Variants in AK4 observed in about 807,000 individuals in gnomAD.
The protein encoded by AK4 is adenylate kinase 4, mitochondrial.
Under a neutral mutation model 24.6 loss-of-function variants are expected in AK4, and 13 were observed. That is an observed-to-expected ratio of 0.53 (90% confidence interval 0.34 to 0.84). The LOEUF (loss-of-function observed/expected upper bound fraction) is 0.84. Ranked by LOEUF, AK4 falls within the 40% of genes least tolerant of loss-of-function variation. The pLI is 0.01. For missense variants in AK4, 192 were observed against 288.2 expected (o/e 0.67, Z 2.42); for synonymous variants, 88 against 107.0 (o/e 0.82, Z 1.10).
intron 1 of AK4, among the ~76,000 whole-genome samples, chr1:65,166,995 G>A (rs1174777941): frequency 1.3e-5 from 2 of 152,190 alleles, no homozygotes; most frequent in African/African-American, 4.8e-5. Flanking sequence ...AGCTAGGTGT[G>A]GTGGCTTGTG....
At chr1:65,218,616 T>A (rs1312461660) in intron 2 of AK4, 138 bp from the exon 3 acceptor site, 3 of 700,884 alleles carry the variant, frequency 4.3e-6, no homozygotes, top group Non-Finnish European at 6.3e-6. Context: ...GGGATGCAAA[T>A]GATCCCATCA....
chr1:65,202,124 G>A (rs998077593), intron 2 of AK4, among the ~76,000 whole-genome samples: 5 of 152,124 alleles, frequency 3.3e-5, no homozygotes, highest in African/African-American at 9.7e-5. Context: ...TTGGCCGGGC[G>A]TGGTGGCTCA....
chr1:65,192,082 T>C (rs1236287845), intron 2 of AK4, among the ~76,000 whole-genome samples: 1 of 152,228 alleles, frequency 6.6e-6, no homozygotes, highest in Non-Finnish European at 1.5e-5. Flanking sequence ...CTCTAGACTC[T>C]ACTTTTAACT....
intron 1 of AK4, among the ~76,000 whole-genome samples, chr1:65,172,675 G>T (rs1650577278): frequency 6.6e-6 from 1 of 152,102 alleles, no homozygotes; most frequent in Non-Finnish European, 1.5e-5. Flanking sequence ...TGTGGGAATA[G>T]ATTGTCCTAC....
intron 1 of AK4, among the ~76,000 whole-genome samples, chr1:65,162,765 AT>A (rs1570071760): frequency 1.3e-5 from 2 of 151,986 alleles, no homozygotes. Context: ...GAACATTTTC[AT>A]TTCTCCAGAA....
At chr1:65,187,921 G>C (rs199859269) in intron 1 of AK4, among the ~76,000 whole-genome samples, 2 of 152,104 alleles carry the variant, frequency 1.3e-5, no homozygotes, top group African/African-American at 4.8e-5. Flanking sequence ...TGTCTTTCTT[G>C]TTCCGCCTTT....
intron 1 of AK4, among the ~76,000 whole-genome samples, chr1:65,169,634 AC>A (rs1650444860): frequency 6.6e-6 from 1 of 152,212 alleles, no homozygotes; most frequent in Admixed American, 6.5e-5. Context: ...TTAAGGGGGC[AC>A]CAAAAACACT....
chr1:65,209,193 C>T (rs757927769), intron 2 of AK4, among the ~76,000 whole-genome samples: 5 of 152,096 alleles, frequency 3.3e-5, no homozygotes, highest in Admixed American at 6.6e-5. Context: ...ATAAAGCATG[C>T]GGTGGAACAG....
At chr1:65,208,491 A>G (rs767596669) in intron 2 of AK4, among the ~76,000 whole-genome samples, 2 of 152,200 alleles carry the variant, frequency 1.3e-5, no homozygotes, top group Non-Finnish European at 2.9e-5. Flanking sequence ...GCTAATCATC[A>G]GTGATTGATT....
chr1:65,187,347 CAAAAAAAAAAA>C (rs150840960), intron 1 of AK4, among the ~76,000 whole-genome samples: 1 of 66,900 alleles, frequency 1.5e-5, no homozygotes, highest in Non-Finnish European at 3.1e-5. Flanking sequence ...GACTCCGTCT[CAAAAAAAAAAA>C]AAAAAAAAAA....
intron 1 of AK4, among the ~76,000 whole-genome samples, chr1:65,178,977 A>G (rs1557448032): frequency 6.6e-6 from 1 of 152,164 alleles, no homozygotes; most frequent in East Asian, 1.9e-4. Flanking sequence ...TCAGCAAGGG[A>G]GCGACTTGTG....
chr1:65,231,839 C>G lies in AK4; in HGVS notation c.*5662C>G, dbSNP rs928773468. ...AATGGCATTTCACTGTGATCCCTCT[C>G]AAGCTCAGATCAGTTCTATAACCCA... On this transcript the variant is annotated 3_prime_UTR_variant, in exon 5 of 5. Coordinates refer to ENST00000327299, the MANE Select transcript of AK4 (RefSeq NM_013410.4). 2 of 152,222 alleles carry G rather than the reference C, an allele frequency of 1.3e-5. No homozygotes were observed. The highest frequency in any genetic ancestry group is 4.8e-5 in the African/African-American group (2 of 41,456). The allele number at this position is 152,222 out of a possible 1,614,324, so 9.4% of individuals were successfully genotyped here.
chr1:65,148,853 C>T (rs1289049050), intron 1 of AK4: 2 of 267,070 alleles, frequency 7.5e-6, no homozygotes, highest in Non-Finnish European at 1.4e-5. Flanking sequence ...AGGGAAAACC[C>T]GGAGCTTCCG....
chr1:65,215,903 G>T (rs983699159), intron 2 of AK4, among the ~76,000 whole-genome samples: 1 of 151,976 alleles, frequency 6.6e-6, no homozygotes, highest in Non-Finnish European at 1.5e-5. Context: ...TGCTTCCCCC[G>T]CTCCCAGCTC....
intron 2 of AK4, among the ~76,000 whole-genome samples, chr1:65,210,411 A>G (rs1651935948): frequency 6.6e-6 from 1 of 151,870 alleles, no homozygotes; most frequent in African/African-American, 2.4e-5. Flanking sequence ...TTTCTTTATT[A>G]TTGATTCCCC....
At chr1:65,208,573 G>A (rs1395196998) in intron 2 of AK4, among the ~76,000 whole-genome samples, 1 of 152,180 alleles carries the variant, frequency 6.6e-6, no homozygotes, top group Non-Finnish European at 1.5e-5. Context: ...TGGGCGGTCC[G>A]AAGCAACTAT....
At position 65,232,043 on chromosome 1, in the gene AK4, C is replaced by T. The variant is rs994043793; in HGVS notation, c.*5866C>T. On this transcript the variant is annotated 3_prime_UTR_variant, in exon 5 of 5. Coordinates refer to ENST00000327299, the MANE Select transcript of AK4 (RefSeq NM_013410.4). ...TCCAGTCTGATCTGTATATGCTATC[C>T]TAACTGTTAATTGTATTATTGATTA... 1 of 152,126 alleles carries T rather than the reference C, an allele frequency of 6.6e-6. No individual in the cohort carries two copies. The highest frequency in any genetic ancestry group is 1.5e-5 in the Non-Finnish European group (1 of 68,028). 9.4% of individuals were successfully genotyped at this position (152,126 alleles called of 1,614,324 possible).
chr1:65,208,349 A>G (rs773480527), intron 2 of AK4, among the ~76,000 whole-genome samples: 12 of 152,198 alleles, frequency 7.9e-5, no homozygotes, highest in Non-Finnish European at 1.8e-4. Flanking sequence ...GAGAGAGAAA[A>G]GGCCTTTATG....
Position 65,163,063 on chromosome 1 carries a change from T to A in AK4, c.145+14511T>A, listed in dbSNP as rs377140989. Among the ~76,000 whole-genome samples the A allele has an allele frequency of 2.8e-4, 42 of 152,336 alleles. 1 individual carries two copies. Among genetic ancestry groups the A allele is most frequent in the African/African-American group, 1.0e-3 (42 of 41,564 alleles). On this transcript the variant is annotated intron_variant, in intron 1 of 4. Transcript: ENST00000327299. Reference sequence around the variant, plus strand: ...TGGACACTTGGGCTGTTTCCTGCTATGGGACATTTGTATGTAAGTTTTTGT... The same window carrying A: ...TGGACACTTGGGCTGTTTCCTGCTAAGGGACATTTGTATGTAAGTTTTTGT...
Sources: allele counts gnomAD v4.1 joint callset (sites outside exome capture counted in the v4.1 genomes callset), GRCh38; gene constraint gnomAD v4.1.1; transcripts MANE v1.5; gene names NCBI Gene and HGNC (gene_info 2026-07-23, HGNC 2026-07-21).